KCNH8: variants seen among roughly 807,000 people sequenced by gnomAD.
The protein encoded by KCNH8 is voltage-gated delayed rectifier potassium channel KCNH8.
A neutral mutation model predicts 103.6 loss-of-function variants in KCNH8; 70 were observed. That is an observed-to-expected ratio of 0.68 (90% confidence interval 0.56 to 0.82). The LOEUF (loss-of-function observed/expected upper bound fraction) is 0.82. Ranked by LOEUF, KCNH8 falls within the 40% of genes least tolerant of loss-of-function variation. The probability of loss-of-function intolerance (pLI) is 0.00; values close to 1 mark genes in which losing one functional copy is unlikely to be tolerated. For synonymous variants in KCNH8, 498 were observed against 489.4 expected, an observed-to-expected ratio of 1.02 and a Z score of -0.23; for missense variants, 1,217 against 1,329.9, an observed-to-expected ratio of 0.92 and a Z score of 1.32.
rs542095423 is a variant in KCNH8, at chr3:19,303,893, A to C, written c.442+22564A>C. Among the ~76,000 whole-genome samples, 360 of 152,262 alleles carry C rather than the reference A, an allele frequency of 2.4e-3. 5 individuals carry two copies. The highest frequency in any genetic ancestry group is 8.2e-3 in the African/African-American group (339 of 41,548). On this transcript the variant is annotated intron_variant, in intron 3 of 15. Transcript: ENST00000328405. ...CCAAGGGTGCTCCCAAGAGCTGGGG[A>C]AATAGACCCTTGATTTTGAGGGTGG...
intron 15 of KCNH8, 64 bp downstream of exon 15, chr3:19,518,138 C>A: frequency 7.7e-7 from 1 of 1,300,120 alleles, no homozygotes; most frequent in Non-Finnish European, 1.1e-6. Flanking sequence ...TAGTTACTCG[C>A]AGAAGCAGTG....
chr3:19,491,566 C>T (rs2068322522), intron 11 of KCNH8, among the ~76,000 whole-genome samples: 1 of 152,180 alleles, frequency 6.6e-6, no homozygotes, highest in Admixed American at 6.5e-5. Flanking sequence ...ATATGTACCA[C>T]ATTTTCTTTA....
chr3:19,356,421 A>T (rs182188240), intron 5 of KCNH8, among the ~76,000 whole-genome samples: 6 of 152,120 alleles, frequency 3.9e-5, no homozygotes, highest in Admixed American at 3.9e-4. Flanking sequence ...GTCTGATTGT[A>T]ATTATGCTAG....
intron 1 of KCNH8, among the ~76,000 whole-genome samples, chr3:19,190,044 C>T (rs1221319624): frequency 2.0e-5 from 3 of 151,616 alleles, no homozygotes; most frequent in Non-Finnish European, 2.9e-5. Context: ...GAGATGGCGT[C>T]GTTAAGGGAG....
intron 1 of KCNH8, among the ~76,000 whole-genome samples, chr3:19,206,953 G>A (rs768359338): frequency 2.6e-5 from 4 of 152,052 alleles, no homozygotes; most frequent in Admixed American, 1.3e-4. Flanking sequence ...GAAATCACGG[G>A]TTTGGTTTTT....
At chr3:19,364,344 C>T (rs2065983672) in intron 5 of KCNH8, among the ~76,000 whole-genome samples, 1 of 152,118 alleles carries the variant, frequency 6.6e-6, no homozygotes, top group Non-Finnish European at 1.5e-5. Context: ...CTAACAATGA[C>T]TCAATACGGC....
intron 7 of KCNH8, among the ~76,000 whole-genome samples, chr3:19,406,271 T>G (rs1463353846): frequency 6.6e-6 from 1 of 152,094 alleles, no homozygotes; most frequent in Non-Finnish European, 1.5e-5. Context: ...ATCCCTCTCA[T>G]TTAATCCATT....
At chr3:19,517,791 A>T (rs1302260692) in intron 14 of KCNH8, among the ~76,000 whole-genome samples, 1 of 152,034 alleles carries the variant, frequency 6.6e-6, no homozygotes, top group Non-Finnish European at 1.5e-5. Context: ...TGCAATCACC[A>T]CCATGATGTG....
At chr3:19,306,436 A>G (rs979066131) in intron 3 of KCNH8, among the ~76,000 whole-genome samples, 4 of 152,102 alleles carry the variant, frequency 2.6e-5, no homozygotes, top group African/African-American at 9.7e-5. Flanking sequence ...AAGAGGGTCA[A>G]TGGTCTTGGT....
intron 11 of KCNH8, among the ~76,000 whole-genome samples, chr3:19,490,959 T>C (rs1319684026): frequency 6.6e-6 from 1 of 152,174 alleles, no homozygotes; most frequent in Admixed American, 6.5e-5. Context: ...CAGTCTGTGG[T>C]CACTTCTAGC....
intron 10 of KCNH8, among the ~76,000 whole-genome samples, chr3:19,454,740 A>C (rs1012563184): frequency 6.6e-6 from 1 of 152,120 alleles, no homozygotes; most frequent in African/African-American, 2.4e-5. Flanking sequence ...TCCTGGCCCC[A>C]AGTTTCTCCA....
intron 11 of KCNH8, among the ~76,000 whole-genome samples, chr3:19,462,169 A>G (rs1354035749): frequency 6.6e-6 from 1 of 152,130 alleles, no homozygotes; most frequent in South Asian, 2.1e-4. Context: ...TAATGGGATC[A>G]CTGGGTCAAA....
At chr3:19,396,663 G>A (rs539675253) in intron 7 of KCNH8, among the ~76,000 whole-genome samples, 233 of 152,086 alleles carry the variant, frequency 1.5e-3, no homozygotes, top group Non-Finnish European at 2.5e-3. Context: ...AGAAAGAGAA[G>A]GAGAAAGAGA....
At chr3:19,302,960 C>T (rs1252235395) in intron 3 of KCNH8, among the ~76,000 whole-genome samples, 1 of 152,138 alleles carries the variant, frequency 6.6e-6, no homozygotes, top group African/African-American at 2.4e-5. Context: ...GGATACTGTC[C>T]ACTTTATGGT....
At chr3:19,391,431 C>T (rs187515726) in intron 6 of KCNH8, among the ~76,000 whole-genome samples, 67 of 152,104 alleles carry the variant, frequency 4.4e-4, no homozygotes, top group East Asian at 9.7e-4. Context: ...TAACCAATTA[C>T]GGCGTGTAAA....
chr3:19,277,522 C>A (rs1282210641), intron 2 of KCNH8, among the ~76,000 whole-genome samples: 1 of 152,070 alleles, frequency 6.6e-6, no homozygotes, highest in African/African-American at 2.4e-5. Context: ...TGCACTCCTA[C>A]CTGTGTGATA....
intron 11 of KCNH8, among the ~76,000 whole-genome samples, chr3:19,462,038 T>C (rs1259774744): frequency 1.3e-5 from 2 of 152,204 alleles, no homozygotes; most frequent in Non-Finnish European, 1.5e-5. Context: ...ATCCAGTCTA[T>C]CATTGTTGGA....
chr3:19,480,244 A>C (rs904366521), intron 11 of KCNH8, among the ~76,000 whole-genome samples: 4 of 152,034 alleles, frequency 2.6e-5, no homozygotes, highest in African/African-American at 9.7e-5. Flanking sequence ...GCAGTAGTCA[A>C]CTCCCTGGTG....
intron 3 of KCNH8, among the ~76,000 whole-genome samples, chr3:19,341,618 A>G (rs1220402586): frequency 6.6e-6 from 1 of 152,186 alleles, no homozygotes; most frequent in Non-Finnish European, 1.5e-5. Flanking sequence ...TTGCAAATAA[A>G]TTTAAAAACA....
Sources: allele counts gnomAD v4.1 joint callset (sites outside exome capture counted in the v4.1 genomes callset), GRCh38; gene constraint gnomAD v4.1.1; transcripts MANE v1.5; gene names NCBI Gene and HGNC (gene_info 2026-07-23, HGNC 2026-07-21).